The following RAD21L1 variants were observed in gnomAD, a reference collection of about 807,000 sequenced individuals.
The protein encoded by RAD21L1 is double-strand-break repair protein rad21-like protein 1.
Under a neutral mutation model 69.0 loss-of-function variants are expected in RAD21L1, and 47 were observed. That is an observed-to-expected ratio of 0.68 (90% CI 0.54 to 0.87). The LOEUF (loss-of-function observed/expected upper bound fraction) is 0.87. Among genes scored for constraint, RAD21L1 ranks in the 40% least tolerant of loss-of-function variants. The probability of loss-of-function intolerance (pLI) is 0.00; values close to 1 mark genes in which losing one functional copy is unlikely to be tolerated. For missense variants in RAD21L1, 583 were observed against 647.6 expected (o/e 0.90, Z 1.08); for synonymous variants, 177 against 205.8 (o/e 0.86, Z 1.20).
chr20:1,249,285 A>G (rs925561145), intron 13 of RAD21L1, among the ~76,000 whole-genome samples: 8 of 152,164 alleles, frequency 5.3e-5, no homozygotes, highest in Admixed American at 1.3e-4. Context: ...TTCTTTTGAC[A>G]GAAAACAAAA....
chr20:1,247,066 G>C (rs559919840), intron 12 of RAD21L1, among the ~76,000 whole-genome samples: 42 of 152,288 alleles, frequency 2.8e-4, no homozygotes, highest in Admixed American at 8.5e-4. Context: ...ATCTAGGACA[G>C]AATAAATTAC....
intron 7 of RAD21L1, among the ~76,000 whole-genome samples, chr20:1,239,701 G>A (rs1232316587): frequency 6.6e-6 from 1 of 152,068 alleles, no homozygotes; most frequent in Admixed American, 6.5e-5. Context: ...TAACTAGTAT[G>A]GTTTGATAAT....
At chr20:1,251,664 A>T (rs56046688) in intron 13 of RAD21L1, among the ~76,000 whole-genome samples, 3 of 151,708 alleles carry the variant, frequency 2.0e-5, no homozygotes, top group Non-Finnish European at 4.4e-5. Flanking sequence ...TATCCTCTAT[A>T]TTAATTTCTT....
chr20:1,238,936 G>T (rs140892738), intron 6 of RAD21L1, among the ~76,000 whole-genome samples: 2,046 of 152,190 alleles, frequency 0.013, 42 homozygotes, highest in African/African-American at 0.047. Flanking sequence ...TGATTCTTCT[G>T]CCTCAGCCTC....
intron 13 of RAD21L1, among the ~76,000 whole-genome samples, chr20:1,252,449 T>C (rs926644576): frequency 6.6e-6 from 1 of 152,172 alleles, no homozygotes; most frequent in African/African-American, 2.4e-5. Context: ...GCCTAGGAGA[T>C]ATAAGCATGA....
intron 1 of RAD21L1, among the ~76,000 whole-genome samples, chr20:1,226,564 G>A (rs2122746167): frequency 6.6e-6 from 1 of 151,742 alleles, no homozygotes; most frequent in Admixed American, 6.6e-5. Flanking sequence ...CTCTCCCCAC[G>A]CCCCTCTCCC....
Position 1,229,890 on chromosome 20 carries a change from C to A in RAD21L1, c.155C>A (p.Ala52Glu). ...AAAAATTATTGAAAGGTGAAAATAGCACTTCGAACTTCAGGACACCTTCTT... is the reference window on the plus strand; with the variant it reads ...AAAAATTATTGAAAGGTGAAAATAGAACTTCGAACTTCAGGACACCTTCTT... ...EKILSPKVKI[A>E]LRTSGHLLLG... is the part of the protein sequence containing the mutation. Residue 52 changes from alanine (A) to glutamate (E), a missense_variant, in exon 3 of 14, where the codon GCA (alanine) becomes GAA (glutamate). Physicochemically the swap from Ala to Glu is moderately radical, Grantham distance 107. Coordinates refer to ENST00000683101, the MANE Select transcript of RAD21L1 (RefSeq NM_001384355.1). 6.5e-7 allele frequency: 1 copy of A among 1,547,046 alleles called. No homozygotes were observed. The highest frequency in any genetic ancestry group is 8.7e-7 in the Non-Finnish European group (1 of 1,143,550).
chr20:1,226,562 A>C (rs545894936), intron 1 of RAD21L1, among the ~76,000 whole-genome samples: 2 of 148,092 alleles, frequency 1.4e-5, no homozygotes, highest in Admixed American at 6.7e-5. Flanking sequence ...CTCTCTCCCC[A>C]CGCCCCTCTC....
chr20:1,243,377 G>T lies in RAD21L1; in HGVS notation c.1183+181G>T, dbSNP rs542162571. Among the ~76,000 whole-genome samples, 28 of 152,132 alleles carry T rather than the reference G, an allele frequency of 1.8e-4. 1 individual carries two copies. Among genetic ancestry groups the T allele is most frequent in the Admixed American group, 5.2e-4 (8 of 15,278 alleles). On this transcript the variant is annotated intron_variant, in intron 10 of 13. Coordinates refer to ENST00000683101, the MANE Select transcript of RAD21L1 (RefSeq NM_001384355.1). ...TCGGTATTGCATTTTTCTGCATTTT[G>T]GATTAATTTTTGTCCCAGAGATTTC... is the stretch of plus-strand genomic sequence containing the variant.
chr20:1,242,712 C>G lies in RAD21L1; in HGVS notation c.950C>G (p.Ser317Cys). 1 of 1,551,544 alleles carries G rather than the reference C, an allele frequency of 6.4e-7. No individual in the cohort carries two copies. The highest frequency in any genetic ancestry group is 8.7e-7 in the Non-Finnish European group (1 of 1,146,832). ...SSKVIHKQLT[S>C]FADTLMVLEL... is the part of the protein sequence containing the mutation. The stretch of plus-strand genomic sequence containing the variant: ...AAAGTTATACATAAACAGCTTACTT[C>G]CTTTGCGGACACACTCATGGTTTTG... The change falls in exon 9 of 14, where the codon TCC becomes TGC. Residue 317 changes from serine to cysteine, a missense_variant. Transcript: ENST00000683101.
At chr20:1,249,042 A>G (rs1346308750) in intron 13 of RAD21L1, among the ~76,000 whole-genome samples, 1 of 152,132 alleles carries the variant, frequency 6.6e-6, no homozygotes. Context: ...TTTGAATTTA[A>G]TTTATATTTT....
At chr20:1,248,045 CAAAAAA>C (rs71327497) in intron 12 of RAD21L1, among the ~76,000 whole-genome samples, 1 of 71,928 alleles carries the variant, frequency 1.4e-5, no homozygotes, top group Non-Finnish European at 2.5e-5. Context: ...CCTTAAATAC[CAAAAAA>C]AAAAAAAAAA....
intron 10 of RAD21L1, among the ~76,000 whole-genome samples, 164 bp downstream of exon 10, chr20:1,243,360 G>A (rs970094128): frequency 7.2e-5 from 11 of 152,146 alleles, no homozygotes; most frequent in African/African-American, 2.4e-4. Flanking sequence ...CCTCGGTATT[G>A]CATTTTTCTG....
chr20:1,226,762 G>T (rs952409299), intron 1 of RAD21L1, among the ~76,000 whole-genome samples: 3 of 152,198 alleles, frequency 2.0e-5, no homozygotes, highest in Non-Finnish European at 2.9e-5. Flanking sequence ...GGGAGGGTGC[G>T]GGGGGAGTTT....
At chr20:1,243,655 T>C (rs1015163587) in intron 10 of RAD21L1, among the ~76,000 whole-genome samples, 1 of 152,202 alleles carries the variant, frequency 6.6e-6, no homozygotes, top group Non-Finnish European at 1.5e-5. Context: ...CACTGATTAT[T>C]ATCATGATAA....
Position 1,239,473 on chromosome 20 carries a change from A to T in RAD21L1, c.742+66A>T, listed in dbSNP as rs543360913. ...TAATGTTTAAGCCTCAGAACTTCTG[A>T]ATTTAAGTAGCAATATAGTATAGTG... On this transcript the variant is annotated intron_variant, in intron 7 of 13. Transcript: ENST00000683101. 1.7e-4 allele frequency: 142 copies of T among 819,636 alleles called. No homozygotes were observed. The African/African-American group carries it at 2.3e-3, about 13-fold the overall frequency. The allele number at this position is 819,636 out of a possible 1,614,324, so 50.8% of individuals were successfully genotyped here.
chr20:1,229,371 C>T (rs146361788), intron 2 of RAD21L1, among the ~76,000 whole-genome samples: 74 of 152,238 alleles, frequency 4.9e-4, no homozygotes, highest in Middle Eastern at 6.8e-3. Flanking sequence ...GCTCTTAGGA[C>T]AATGCCTGGC....
chr20:1,245,947 G>A (rs1252460721), intron 11 of RAD21L1, among the ~76,000 whole-genome samples: 1 of 152,010 alleles, frequency 6.6e-6, no homozygotes, highest in Non-Finnish European at 1.5e-5. Context: ...GTCTGCAGTA[G>A]AGAGGGAAAT....
chr20:1,237,207 CTCCTGGACCTAGAGAT>C (rs2087514953), intron 5 of RAD21L1, among the ~76,000 whole-genome samples: 1 of 152,174 alleles, frequency 6.6e-6, no homozygotes, highest in African/African-American at 2.4e-5. Flanking sequence ...GGGTTTCAGA[CTCCTGGACCTAGAGAT>C]TCAAACCCAA....
Sources: allele counts gnomAD v4.1 joint callset (sites outside exome capture counted in the v4.1 genomes callset), GRCh38; gene constraint gnomAD v4.1.1; transcripts MANE v1.5; gene names NCBI Gene and HGNC (gene_info 2026-07-23, HGNC 2026-07-21).